RAP1GAP: variants seen among roughly 807,000 people sequenced by gnomAD.
RAP1GAP encodes the protein rap1 GTPase-activating protein 1.
RAP1GAP carries 35 observed loss-of-function variants against 87.2 expected under a neutral mutation model. That is an observed-to-expected ratio of 0.40 (90% CI 0.31 to 0.53). The LOEUF (loss-of-function observed/expected upper bound fraction) is 0.53, where lower values mean the gene tolerates loss of function less well. Among genes scored for constraint, RAP1GAP ranks in the 20% least tolerant of loss-of-function variants. RAP1GAP has a pLI of 0.48. For synonymous variants in RAP1GAP, 375 were observed against 363.9 expected, an observed-to-expected ratio of 1.03 and a Z score of -0.35; for missense variants, 734 against 898.9, an observed-to-expected ratio of 0.82 and a Z score of 2.35.
chr1:21,627,707 G>A (rs1053303738), intron 2 of RAP1GAP, among the ~76,000 whole-genome samples: 5 of 152,162 alleles, frequency 3.3e-5, no homozygotes, highest in African/African-American at 4.8e-5. Context: ...GAGCCACTGC[G>A]CCCAGTCTGA....
At position 21,603,459 on chromosome 1, in the gene RAP1GAP, C is replaced by A. The variant is rs2070927042; in HGVS notation, c.1429-546G>T. On this transcript the variant is annotated intron_variant, in intron 18 of 24. Transcript: ENST00000374765. This position sits in a 1 kb window ranked among gnomAD's most constrained non-coding sequence, Gnocchi z 6.0. ...CTGGAGGCAGGAAGGGGTAGGACCCCAGGTCACTTCGTGGCGGGGAGGAGG... is the reference window on the plus strand; with the variant it reads ...CTGGAGGCAGGAAGGGGTAGGACCCAAGGTCACTTCGTGGCGGGGAGGAGG... 1.7e-6 allele frequency: 1 copy of A among 587,068 alleles called. No homozygotes were observed. Among genetic ancestry groups the A allele is most frequent in the Non-Finnish European group, 3.0e-6 (1 of 328,190 alleles). The allele number at this position is 587,068 out of a possible 1,614,324, so 36.4% of individuals were successfully genotyped here. A position where few individuals can be genotyped will look rare whatever the true frequency, so the allele number is the denominator to read the frequency against.
At chr1:21,600,509 T>C (rs2067255280) in intron 20 of RAP1GAP, among the ~76,000 whole-genome samples, 1 of 152,176 alleles carries the variant, frequency 6.6e-6, no homozygotes, top group African/African-American at 2.4e-5. Flanking sequence ...AGCCTCTTTG[T>C]ACAGCAACCG....
chr1:21,651,806 C>T (rs1382703009), intron 1 of RAP1GAP: 4 of 1,316,320 alleles, frequency 3.0e-6, no homozygotes, highest in Non-Finnish European at 2.9e-6. Context: ...GGTGAAGCTG[C>T]GCTTCCGGCC....
At chr1:21,655,441 C>T (rs1044241559) in intron 1 of RAP1GAP, among the ~76,000 whole-genome samples, 2 of 152,218 alleles carry the variant, frequency 1.3e-5, no homozygotes, top group African/African-American at 2.4e-5. Flanking sequence ...GGCTCTGATG[C>T]TTCCTAGCTG....
At chr1:21,627,172 G>T (rs1207952920) in intron 2 of RAP1GAP, among the ~76,000 whole-genome samples, 1 of 152,218 alleles carries the variant, frequency 6.6e-6, no homozygotes, top group East Asian at 1.9e-4. Flanking sequence ...CCGGGATCCT[G>T]GGGCTGGGCA....
At chr1:21,598,598 AC>A (rs1646678627) in intron 21 of RAP1GAP, 96 bp from the exon 22 acceptor site, 8 of 1,001,906 alleles carry the variant, frequency 8.0e-6, no homozygotes, top group East Asian at 2.6e-5. Flanking sequence ...GCATTCCACA[AC>A]CCCCCACCCG....
At chr1:21,639,265 G>A (rs1175887169) in intron 2 of RAP1GAP, among the ~76,000 whole-genome samples, 2 of 152,240 alleles carry the variant, frequency 1.3e-5, no homozygotes, top group Non-Finnish European at 1.5e-5. Flanking sequence ...AGGTGGGCAC[G>A]TCCCAGCCCA....
intron 19 of RAP1GAP, 75 bp from the exon 20 acceptor site, chr1:21,601,872 T>C: frequency 1.9e-6 from 2 of 1,062,450 alleles, no homozygotes; most frequent in Middle Eastern, 2.9e-4. Context: ...GCCCAGGCGG[T>C]GAGGGGAGTC....
intron 2 of RAP1GAP, among the ~76,000 whole-genome samples, chr1:21,632,521 C>T (rs778013561): frequency 5.9e-5 from 9 of 152,136 alleles, no homozygotes; most frequent in African/African-American, 9.7e-5. Flanking sequence ...CCAATAAGGC[C>T]GTGAGCAGCA....
chr1:21,619,201 G>A (rs981139500), intron 4 of RAP1GAP, 129 bp from the exon 5 acceptor site: 29 of 966,380 alleles, frequency 3.0e-5, no homozygotes, highest in Non-Finnish European at 4.1e-5. Flanking sequence ...CCAGGGCAGG[G>A]TGCTAGCTGG....
intron 2 of RAP1GAP, among the ~76,000 whole-genome samples, chr1:21,644,621 C>T (rs1056656754): frequency 2.0e-5 from 3 of 152,088 alleles, no homozygotes; most frequent in Non-Finnish European, 4.4e-5. Context: ...TGGACCTGGC[C>T]GGGCGCGGTG....
At chr1:21,626,438 C>T (rs1452662947) in intron 2 of RAP1GAP, 41 bp from the exon 3 acceptor site, 1 of 1,543,180 alleles carries the variant, frequency 6.5e-7, no homozygotes, top group African/African-American at 1.4e-5. Flanking sequence ...AGCCCCAAGC[C>T]AGGAAATTTG....
intron 2 of RAP1GAP, among the ~76,000 whole-genome samples, chr1:21,637,151 T>C (rs2094876473): frequency 6.7e-6 from 1 of 149,238 alleles, no homozygotes; most frequent in Non-Finnish European, 1.5e-5. Flanking sequence ...TTTTCTTTTT[T>C]TTTTTTTTTT....
chr1:21,665,260 C>T, intron 1 of RAP1GAP: 1 of 517,692 alleles, frequency 1.9e-6, no homozygotes, highest in Non-Finnish European at 3.9e-6. Context: ...GAACTTGGGT[C>T]TGCTTCCTCC....
intron 1 of RAP1GAP, among the ~76,000 whole-genome samples, chr1:21,652,662 A>T (rs2096662270): frequency 1.3e-5 from 2 of 152,146 alleles, no homozygotes; most frequent in African/African-American, 4.8e-5. Flanking sequence ...TGAGTTCTGC[A>T]GCAGGTACTC....
At chr1:21,602,066 G>T (rs1444710915) in intron 19 of RAP1GAP, among the ~76,000 whole-genome samples, 2 of 152,194 alleles carry the variant, frequency 1.3e-5, no homozygotes, top group Non-Finnish European at 2.9e-5. Context: ...TATGGATAAG[G>T]AACCTGCCCA....
At chr1:21,660,446 G>A (rs1000134795) in intron 1 of RAP1GAP, among the ~76,000 whole-genome samples, 54 of 149,588 alleles carry the variant, frequency 3.6e-4, no homozygotes, top group African/African-American at 1.2e-3. Flanking sequence ...CGATTCTCTC[G>A]CTTCAGCCTC....
At chr1:21,639,768 G>A (rs2095326758) in intron 2 of RAP1GAP, among the ~76,000 whole-genome samples, 1 of 152,182 alleles carries the variant, frequency 6.6e-6, no homozygotes, top group Non-Finnish European at 1.5e-5. Context: ...CTCAGCCGGT[G>A]GGCGGGGCAG....
chr1:21,660,353 T>TATATATATATATATAGAGAGA, intron 1 of RAP1GAP, among the ~76,000 whole-genome samples: 1 of 26,814 alleles, frequency 3.7e-5, no homozygotes, highest in Non-Finnish European at 8.5e-5. Flanking sequence ...ATATATTTAT[T>TATATATATATATATAGAGAGA]GAGACAGTCT....
Sources: gnomAD v4.1 joint callset for allele counts (sites outside exome capture counted in the v4.1 genomes callset) on GRCh38, gnomAD v4.1.1 for gene constraint, Gnocchi (gnomAD v3.1) non-coding constraint, MANE v1.5 for transcripts, NCBI Gene and HGNC (gene_info 2026-07-23, HGNC 2026-07-21) for gene names.